RAMP1: variants seen among roughly 807,000 people sequenced by gnomAD.
RAMP1 encodes the protein receptor activity-modifying protein 1.
RAMP1 carries 7 observed loss-of-function variants against 8.2 expected under a neutral mutation model. The ratio of observed to expected loss-of-function variants is 0.85; its 90% CI spans 0.49 to 1.60. The LOEUF is 1.60. Ranked by LOEUF, RAMP1 falls within the 40% of genes most tolerant of loss-of-function variation. The probability of loss-of-function intolerance (pLI) is 0.00; values close to 1 mark genes in which losing one functional copy is unlikely to be tolerated. For synonymous variants in RAMP1, 92 were observed against 84.7 expected (o/e 1.09, Z -0.47); for missense variants, 192 against 202.4 (o/e 0.95, Z 0.31).
At chr2:237,886,304 G>A (rs2062432093) in intron 2 of RAMP1, among the ~76,000 whole-genome samples, 1 of 152,200 alleles carries the variant, frequency 6.6e-6, no homozygotes, top group African/African-American at 2.4e-5. Context: ...TTTCAGCACT[G>A]GAGAAATAAA....
At chr2:237,904,391 C>A (rs993110702) in intron 2 of RAMP1, among the ~76,000 whole-genome samples, 2 of 151,992 alleles carry the variant, frequency 1.3e-5, no homozygotes, top group African/African-American at 4.8e-5. Context: ...TGGACTCCAT[C>A]CTGGGCAACA....
At chr2:237,874,053 G>A (rs2062273703) in intron 1 of RAMP1, among the ~76,000 whole-genome samples, 1 of 152,228 alleles carries the variant, frequency 6.6e-6, no homozygotes, top group South Asian at 2.1e-4. Flanking sequence ...GGCTCTAAGA[G>A]AGGTGGGGGA....
chr2:237,903,060 G>C (rs1022112508), intron 2 of RAMP1, among the ~76,000 whole-genome samples: 9 of 152,102 alleles, frequency 5.9e-5, no homozygotes, highest in Admixed American at 2.6e-4. Context: ...GGTCTCACTA[G>C]GTTGCCCAGG....
intron 2 of RAMP1, among the ~76,000 whole-genome samples, chr2:237,890,564 C>G (rs6741923): frequency 0.69 from 105,456 of 152,158 alleles, 36,642 homozygotes; most frequent in Middle Eastern, 0.73. Flanking sequence ...TCATCACTAA[C>G]ACCATCAAAC....
chr2:237,859,441 G>A (rs2062109818), upstream of RAMP1: 1 of 155,444 alleles, frequency 6.4e-6, no homozygotes. Context: ...CGCCCCCCGG[G>A]AGGGGCCTGG....
chr2:237,911,568 G>A lies in RAMP1; in HGVS notation c.232G>A (p.Glu78Lys), dbSNP rs777910459. Residue 78 changes from glutamate (E) to lysine (K), a missense_variant, in exon 3 of 3, where the codon GAG becomes AAG. Transcript: ENST00000254661. ...ELADCTWHMA[E>K]KLGCFWPNAE... is the part of the protein sequence containing the mutation. Reference sequence around the variant, plus strand: ...GGCCGACTGCACCTGGCACATGGCGGAGAAGCTGGGCTGCTTCTGGCCCAA... The same window carrying A: ...GGCCGACTGCACCTGGCACATGGCGAAGAAGCTGGGCTGCTTCTGGCCCAA... 1.2e-6 allele frequency: 2 copies of A among 1,614,142 alleles called. No individual in the cohort carries two copies. Among genetic ancestry groups the A allele is most frequent in the East Asian group, 4.5e-5 (2 of 44,880 alleles).
rs2062715950 is a variant in RAMP1, at chr2:237,911,691, C to T, written c.355C>T (p.Leu119Phe). The part of the protein sequence containing the change: ...RAVRDPPGSI[L>F]YPFIVVPITV... Reference sequence around the variant, plus strand: ...CGTGCGGGACCCGCCCGGCAGCATCCTCTACCCCTTCATCGTGGTCCCCAT... The same window carrying T: ...CGTGCGGGACCCGCCCGGCAGCATCTTCTACCCCTTCATCGTGGTCCCCAT... Residue 119 changes from leucine to phenylalanine, a missense_variant, in exon 3 of 3, where the codon CTC becomes TTC. Transcript: ENST00000254661. 1.2e-6 allele frequency: 2 copies of T among 1,613,908 alleles called. No homozygotes were observed. Among genetic ancestry groups the T allele is most frequent in the African/African-American group, 2.7e-5 (2 of 74,940 alleles).
At chr2:237,903,746 G>C (rs1177565052) in intron 2 of RAMP1, among the ~76,000 whole-genome samples, 2 of 152,162 alleles carry the variant, frequency 1.3e-5, no homozygotes, top group Non-Finnish European at 2.9e-5. Flanking sequence ...CCAGGCTGGA[G>C]TGCAGTGGTG....
intron 1 of RAMP1, among the ~76,000 whole-genome samples, chr2:237,871,138 C>A (rs1458377010): frequency 6.6e-6 from 1 of 152,220 alleles, no homozygotes; most frequent in Non-Finnish European, 1.5e-5. Flanking sequence ...GCACTGGCTG[C>A]TCAGAGGTGT....
intron 2 of RAMP1, among the ~76,000 whole-genome samples, chr2:237,881,529 A>G (rs2062367508): frequency 6.6e-6 from 1 of 152,238 alleles, no homozygotes; most frequent in Admixed American, 6.5e-5. Context: ...GCCAGTTTGC[A>G]TTCCCACCAG....
At position 237,911,890 on chromosome 2, in the gene RAMP1, C is replaced by G; in HGVS notation, c.*107C>G. 1.4e-6 allele frequency: 2 copies of G among 1,422,922 alleles called. No homozygotes were observed. Among genetic ancestry groups the G allele is most frequent in the Non-Finnish European group, 1.9e-6 (2 of 1,076,680 alleles). The allele number at this position is 1,422,922 out of a possible 1,614,324, so 88.1% of individuals were successfully genotyped here. A position where few individuals can be genotyped will look rare whatever the true frequency, so the allele number is the denominator to read the frequency against. On this transcript the variant is annotated 3_prime_UTR_variant, in exon 3 of 3. Transcript: ENST00000254661. ...TTGGGACAGAGCAGGCCCACAATGC[C>G]CCCCTTCTTCCAGCCAAGAAGAGCT...
chr2:237,861,187 C>G (rs893143287), intron 1 of RAMP1, among the ~76,000 whole-genome samples: 2 of 152,134 alleles, frequency 1.3e-5, no homozygotes, highest in Admixed American at 6.5e-5. Flanking sequence ...CACTATGTCA[C>G]GATCACATAT....
At chr2:237,880,580 T>C (rs1405396136) in intron 2 of RAMP1, among the ~76,000 whole-genome samples, 1 of 152,112 alleles carries the variant, frequency 6.6e-6, no homozygotes, top group Non-Finnish European at 1.5e-5. Flanking sequence ...CATGGGTGAA[T>C]CCCTATTTAA....
At chr2:237,890,204 ATT>A (rs566475813) in intron 2 of RAMP1, among the ~76,000 whole-genome samples, 5 of 145,028 alleles carry the variant, frequency 3.4e-5, no homozygotes, top group Non-Finnish European at 4.6e-5. Context: ...GTGGGAAATA[ATT>A]TTTTTTTTTT....
rs1321762994 is a variant in RAMP1 at position 237,878,147 on chromosome 2, G to A, written c.191+785G>A. On this transcript the variant is annotated intron_variant, in intron 2 of 2. Coordinates refer to ENST00000254661, the MANE Select transcript of RAMP1 (RefSeq NM_005855.4). The surrounding 1 kb of genome is among the most constrained non-coding windows in gnomAD (Gnocchi z 5.7). ...TCAGCAGTGCATGCGTGGAGCTGAA[G>A]GCCACCGCCTCCCTGCCATGCAAAC... 1.0e-6 allele frequency: 1 copy of A among 985,366 alleles called. No individual in the cohort carries two copies. Among genetic ancestry groups the A allele is most frequent in the African/African-American group, 1.7e-5 (1 of 57,254 alleles). 61.0% of individuals were successfully genotyped at this position (985,366 alleles called of 1,614,324 possible).
At chr2:237,908,587 G>A (rs56134351) in intron 2 of RAMP1, among the ~76,000 whole-genome samples, 11,422 of 152,098 alleles carry the variant, frequency 0.075, 498 homozygotes, top group African/African-American at 0.11. Flanking sequence ...ACAGGTGCCC[G>A]CCACTGTGCC....
In RAMP1 at chr2:237,877,376, C is replaced by T. The variant is rs991278836; in HGVS notation, c.191+14C>T. The T allele has an allele frequency of 1.9e-6, 3 of 1,606,900 alleles. No individual in the cohort carries two copies. Among genetic ancestry groups the T allele is most frequent in the South Asian group, 2.2e-5 (2 of 89,722 alleles). On this transcript the variant is annotated intron_variant, in intron 2 of 2. Coordinates refer to ENST00000254661, the MANE Select transcript of RAMP1 (RefSeq NM_005855.4). The surrounding 1 kb of genome is among the most constrained non-coding windows in gnomAD (Gnocchi z 4.4). ...CAGGACCATCAGGTGAGTCCCATGG[C>T]CCCTGGTGGGCAGGACACGGTTGGG...
chr2:237,886,613 C>T (rs1258753167), intron 2 of RAMP1, among the ~76,000 whole-genome samples: 4 of 152,190 alleles, frequency 2.6e-5, no homozygotes, highest in African/African-American at 9.7e-5. Flanking sequence ...CAGGGACCAC[C>T]TTGTCATCCT....
chr2:237,867,847 G>A (rs1272440916), intron 1 of RAMP1, among the ~76,000 whole-genome samples: 1 of 152,126 alleles, frequency 6.6e-6, no homozygotes, highest in Non-Finnish European at 1.5e-5. Flanking sequence ...TTCTTCCCAA[G>A]ATACAGGTTG....
Sources: allele counts gnomAD v4.1 joint callset (sites outside exome capture counted in the v4.1 genomes callset), GRCh38; gene constraint gnomAD v4.1.1; non-coding constraint Gnocchi (gnomAD v3.1); transcripts MANE v1.5; gene names NCBI Gene and HGNC (gene_info 2026-07-23, HGNC 2026-07-21).